FMNL2: variants seen among roughly 807,000 people sequenced by gnomAD.
The protein encoded by FMNL2 is formin like 2.
A neutral mutation model predicts 130.2 loss-of-function variants in FMNL2; 51 were observed. The ratio of observed to expected loss-of-function variants is 0.39; its 90% CI spans 0.31 to 0.49. FMNL2 has a LOEUF of 0.49. Among genes scored for constraint, FMNL2 ranks in the 20% least tolerant of loss-of-function variants. FMNL2 has a pLI of 0.85. For missense variants in FMNL2, 977 were observed against 1,316.2 expected (o/e 0.74, Z 3.99); for synonymous variants, 465 against 467.1 (o/e 1.00, Z 0.06).
intron 1 of FMNL2, among the ~76,000 whole-genome samples, chr2:152,392,991 G>T (rs904885276): frequency 6.6e-6 from 1 of 151,940 alleles, no homozygotes; most frequent in Non-Finnish European, 1.5e-5. Flanking sequence ...CTCTTGCCTG[G>T]TGGGTCCTCT....
intron 2 of FMNL2, among the ~76,000 whole-genome samples, chr2:152,524,621 G>A (rs1693282628): frequency 6.6e-6 from 1 of 152,154 alleles, no homozygotes; most frequent in Non-Finnish European, 1.5e-5. Flanking sequence ...TTTGATAACT[G>A]CAAATAAAAC....
chr2:152,407,984 C>T (rs1415922352), intron 1 of FMNL2, among the ~76,000 whole-genome samples: 10 of 152,190 alleles, frequency 6.6e-5, no homozygotes, highest in Non-Finnish European at 8.8e-5. Context: ...TTGTGAAAGA[C>T]GAGAATTAGC....
At chr2:152,482,761 T>G (rs565236608) in intron 1 of FMNL2, among the ~76,000 whole-genome samples, 10 of 152,362 alleles carry the variant, frequency 6.6e-5, no homozygotes, top group Admixed American at 2.0e-4. Flanking sequence ...TGGCATTCTG[T>G]AAATGTTAGC....
intron 1 of FMNL2, among the ~76,000 whole-genome samples, chr2:152,474,515 T>A (rs889787266): frequency 7.9e-5 from 12 of 152,004 alleles, no homozygotes; most frequent in Admixed American, 7.9e-4. Flanking sequence ...TGAAACCTCA[T>A]CTCTACTAAA....
chr2:152,385,934 G>C (rs1230262173), intron 1 of FMNL2, among the ~76,000 whole-genome samples: 6 of 152,142 alleles, frequency 3.9e-5, no homozygotes, highest in African/African-American at 1.4e-4. Flanking sequence ...GCAATGCCTT[G>C]ATTTATCTTT....
Position 152,548,598 on chromosome 2 carries a change from A to G in FMNL2, c.283-423A>G, listed in dbSNP as rs374322399. ...TTGCACCTGGTTTCCTGCACGTTTTATCCTATGCACCTTTTCTCTTTGCTG... is the reference window on the plus strand; with the variant it reads ...TTGCACCTGGTTTCCTGCACGTTTTGTCCTATGCACCTTTTCTCTTTGCTG... On this transcript the variant is annotated intron_variant, in intron 3 of 25. Coordinates refer to ENST00000288670, the MANE Select transcript of FMNL2 (RefSeq NM_052905.4). Among the ~76,000 whole-genome samples, 10 of 152,258 alleles carry G rather than the reference A, an allele frequency of 6.6e-5. No homozygotes were observed. In the South Asian group the frequency reaches 8.3e-4, roughly 13 times the overall value.
intron 1 of FMNL2, among the ~76,000 whole-genome samples, chr2:152,379,441 C>G (rs1442626683): frequency 1.3e-5 from 2 of 152,150 alleles, no homozygotes; most frequent in African/African-American, 4.8e-5. Flanking sequence ...TTTAACTGGT[C>G]TCAGAGATCT....
intron 1 of FMNL2, among the ~76,000 whole-genome samples, chr2:152,403,579 C>A (rs1685824949): frequency 6.6e-6 from 1 of 151,526 alleles, no homozygotes; most frequent in Non-Finnish European, 1.5e-5. Flanking sequence ...TTAAGTACTT[C>A]CTTTCTGGCA....
intron 9 of FMNL2, among the ~76,000 whole-genome samples, chr2:152,593,333 A>T (rs1697535859): frequency 6.6e-6 from 1 of 152,072 alleles, no homozygotes; most frequent in South Asian, 2.1e-4. Context: ...GTTACATAAT[A>T]CTTTACAGTT....
intron 2 of FMNL2, among the ~76,000 whole-genome samples, chr2:152,542,231 C>T (rs1197811422): frequency 2.0e-5 from 3 of 152,140 alleles, no homozygotes; most frequent in South Asian, 2.1e-4. Context: ...GCAATTGACT[C>T]GTTGCTCATA....
chr2:152,359,817 T>G (rs1385339204), intron 1 of FMNL2, among the ~76,000 whole-genome samples: 1 of 152,186 alleles, frequency 6.6e-6, no homozygotes, highest in Non-Finnish European at 1.5e-5. Context: ...CTTCACTACT[T>G]TTTGAGGGCT....
At chr2:152,521,617 A>G (rs964692727) in intron 1 of FMNL2, among the ~76,000 whole-genome samples, 7 of 152,122 alleles carry the variant, frequency 4.6e-5, no homozygotes, top group African/African-American at 1.7e-4. Flanking sequence ...TTTACAAAGA[A>G]ATTGGATACC....
At chr2:152,516,847 A>C (rs1392899108) in intron 1 of FMNL2, among the ~76,000 whole-genome samples, 4 of 152,186 alleles carry the variant, frequency 2.6e-5, no homozygotes, top group African/African-American at 9.7e-5. Flanking sequence ...AGGCTACCAT[A>C]GATTCTTCTT....
Position 152,607,402 on chromosome 2 carries a change from A to G in FMNL2, c.940A>G (p.Ile314Val). 1 of 1,612,942 alleles carries G rather than the reference A, an allele frequency of 6.2e-7. No homozygotes were observed. Among genetic ancestry groups the G allele is most frequent in the Non-Finnish European group, 8.5e-7 (1 of 1,179,370 alleles). Reference protein sequence around the residue: ...MEHFRNEDNNIDFMVASMQFI... With the variant: ...MEHFRNEDNNVDFMVASMQFI... ...ACATTTCAGGAATGAAGACAATAAC[A>G]TAGATTTTATGGTGAGTTATTTCAG... Residue 314 changes from isoleucine to valine, a missense_variant, in exon 10 of 26, where the codon ATA (isoleucine) becomes GTA (valine). Ile to Val is a conservative substitution (Grantham distance 29, BLOSUM62 3). This residue lies in a region of FMNL2 where 689 missense variants were observed against 995.9 expected (regional missense o/e 0.69). Transcript: ENST00000288670.
chr2:152,538,630 C>T (rs6709843), intron 2 of FMNL2, among the ~76,000 whole-genome samples: 12,579 of 152,060 alleles, frequency 0.083, 851 homozygotes, highest in Admixed American at 0.22. Context: ...TCATGGGAAC[C>T]ATGAAAGAAG....
At position 152,619,537 on chromosome 2, in the gene FMNL2, G is replaced by GCCA. The variant is rs751846151; in HGVS notation, c.1659_1661dup (p.Pro573dup). 1.4e-5 allele frequency: 20 copies of GCCA among 1,445,126 alleles called. 1 individual carries two copies. Among genetic ancestry groups the GCCA allele is most frequent in the African/African-American group, 7.0e-5 (3 of 42,612 alleles). The allele number at this position is 1,445,126 out of a possible 1,614,324, so 89.5% of individuals were successfully genotyped here. A position where few individuals can be genotyped will look rare whatever the true frequency, so the allele number is the denominator to read the frequency against. On this transcript the variant is annotated inframe_insertion, in exon 15 of 26. Coordinates refer to ENST00000288670, the MANE Select transcript of FMNL2 (RefSeq NM_052905.4). ...AAAATGGTCCAGTAACACCACCTAT[G>GCCA]CCACCGCCGCCGCCGCCCCCTCCTC...
chr2:152,465,215 C>T (rs754941679), intron 1 of FMNL2, among the ~76,000 whole-genome samples: 1 of 152,214 alleles, frequency 6.6e-6, no homozygotes, highest in African/African-American at 2.4e-5. Flanking sequence ...ACAGGGCATT[C>T]GTGCAGGCAA....
chr2:152,479,957 A>T (rs947966097), intron 1 of FMNL2, among the ~76,000 whole-genome samples: 1 of 152,070 alleles, frequency 6.6e-6, no homozygotes, highest in South Asian at 2.1e-4. Context: ...GTCCTGCTTT[A>T]CAGGTATTGG....
At chr2:152,537,993 T>C (rs146314484) in intron 2 of FMNL2, among the ~76,000 whole-genome samples, 2 of 152,298 alleles carry the variant, frequency 1.3e-5, no homozygotes, top group East Asian at 1.9e-4. Context: ...TTGCCAGATA[T>C]AGAAGCTTGA....
Sources: allele counts gnomAD v4.1 joint callset (sites outside exome capture counted in the v4.1 genomes callset), GRCh38; gene constraint gnomAD v4.1.1; regional missense constraint gnomAD v4.1.1; transcripts MANE v1.5; gene names NCBI Gene and HGNC (gene_info 2026-07-23, HGNC 2026-07-21).